The following CACNA2D2 variants were observed in gnomAD, a reference collection of about 807,000 sequenced individuals.
CACNA2D2 encodes the protein calcium voltage-gated channel auxiliary subunit alpha2delta 2, also known as voltage-dependent calcium channel subunit alpha-2/delta-2.
CACNA2D2 carries 48 observed loss-of-function variants against 166.4 expected under a neutral mutation model. The observed-to-expected ratio is 0.29, with a 90% CI of 0.23 to 0.37. The LOEUF is 0.37. CACNA2D2 is among the 10% of genes least tolerant of loss of function. The pLI is 1.00. For synonymous variants in CACNA2D2, 561 were observed against 573.7 expected (o/e 0.98, Z 0.32); for missense variants, 1,122 against 1,433.0 (o/e 0.78, Z 3.50).
chr3:50,473,090 C>T (rs1281078244), intron 2 of CACNA2D2, among the ~76,000 whole-genome samples: 1 of 152,106 alleles, frequency 6.6e-6, no homozygotes, highest in Non-Finnish European at 1.5e-5. Flanking sequence ...GGGGACAATA[C>T]GTAAGCACCA....
chr3:50,380,062 T>A lies in CACNA2D2; in HGVS notation c.843-44A>T. On this transcript the variant is annotated intron_variant, in intron 8 of 37. Coordinates refer to ENST00000424201, the MANE Select transcript of CACNA2D2 (RefSeq NM_006030.4). The surrounding 1 kb of genome is among the most constrained non-coding windows in gnomAD (Gnocchi z 4.9). The stretch of plus-strand genomic sequence containing the variant: ...TGTTAGGGTAAGGCCCACTGGGACC[T>A]TGTGGGTCCTTCCTTCCTTCACATA... 6.3e-7 allele frequency: 1 copy of A among 1,592,154 alleles called. No individual in the cohort carries two copies. The highest frequency in any genetic ancestry group is 8.6e-7 in the Non-Finnish European group (1 of 1,160,236).
intron 3 of CACNA2D2, among the ~76,000 whole-genome samples, chr3:50,413,176 A>C (rs1707105744): frequency 6.7e-6 from 1 of 150,296 alleles, no homozygotes; most frequent in East Asian, 2.0e-4. Context: ...TGGTTGGGGT[A>C]GGGGGGTGGT....
Position 50,364,985 on chromosome 3 carries a change from G to A in CACNA2D2, c.3209-15C>T. On this transcript the variant is annotated splice_polypyrimidine_tract_variant and intron_variant, in intron 36 of 37. Coordinates refer to ENST00000424201, the MANE Select transcript of CACNA2D2 (RefSeq NM_006030.4). ...CGGGCCGTCCGCTGGGCATGGGTGGGGAGTCAAGGAGGCGGACGGCGGCGG... is the reference window on the plus strand; with the variant it reads ...CGGGCCGTCCGCTGGGCATGGGTGGAGAGTCAAGGAGGCGGACGGCGGCGG... 6.2e-7 allele frequency: 1 copy of A among 1,611,904 alleles called. No individual in the cohort carries two copies. The highest frequency in any genetic ancestry group is 8.5e-7 in the Non-Finnish European group (1 of 1,179,430).
intron 5 of CACNA2D2, among the ~76,000 whole-genome samples, chr3:50,387,152 G>A (rs1375946495): frequency 6.6e-6 from 1 of 152,136 alleles, no homozygotes; most frequent in Non-Finnish European, 1.5e-5. Flanking sequence ...AGGCTGTGGG[G>A]TGCTCAGCAC....
chr3:50,482,407 C>T (rs942851803), intron 1 of CACNA2D2, among the ~76,000 whole-genome samples: 54 of 152,340 alleles, frequency 3.5e-4, no homozygotes, highest in Middle Eastern at 3.4e-3. Flanking sequence ...TGCCTAGATC[C>T]AGCCCTGGCT....
Position 50,366,594 on chromosome 3 carries a change from C to A in CACNA2D2, c.2621G>T (p.Cys874Phe). ...CACACACACCTCATTGTTAACCTCG[C>A]AGTCCATCTCACAGTGGCTGTTGGG... ...CGPNSHCEMDCEVNNEDLLCV... is the reference protein window; with the variant it reads ...CGPNSHCEMDFEVNNEDLLCV... Residue 874 changes from cysteine (C) to phenylalanine (F), a missense_variant, in exon 30 of 38, where the codon TGC becomes TTC. This residue lies in a region of CACNA2D2 where 840 missense variants were observed against 1,166.8 expected (regional missense o/e 0.72). Transcript: ENST00000424201. This position sits in a 1 kb window ranked among gnomAD's most constrained non-coding sequence, Gnocchi z 5.9. 6.2e-7 allele frequency: 1 copy of A among 1,614,006 alleles called. No individual in the cohort carries two copies. The highest frequency in any genetic ancestry group is 8.5e-7 in the Non-Finnish European group (1 of 1,180,016).
At chr3:50,438,309 C>A (rs1394674303) in intron 2 of CACNA2D2, among the ~76,000 whole-genome samples, 1 of 152,134 alleles carries the variant, frequency 6.6e-6, no homozygotes, top group Non-Finnish European at 1.5e-5. Flanking sequence ...TGGAGACCTG[C>A]CCCTCCACCT....
At chr3:50,424,537 C>T (rs1327021546) in intron 3 of CACNA2D2, among the ~76,000 whole-genome samples, 1 of 152,202 alleles carries the variant, frequency 6.6e-6, no homozygotes, top group Non-Finnish European at 1.5e-5. Flanking sequence ...TCCCAGGTCC[C>T]CTAGGCCTGG....
At position 50,379,258 on chromosome 3, in the gene CACNA2D2, C is replaced by A. The variant is rs1289801966; in HGVS notation, c.1153-59G>T. ...AGCCCTCCCTGGTCCAGGGGCAGGG[C>A]CTCCCTCCCGCAGTGGGCCTGGACC... On this transcript the variant is annotated intron_variant, in intron 11 of 37. Transcript: ENST00000424201. This position sits in a 1 kb window ranked among gnomAD's most constrained non-coding sequence, Gnocchi z 6.5. 21 of 1,504,924 alleles carry A rather than the reference C, an allele frequency of 1.4e-5. No individual in the cohort carries two copies. The highest frequency in any genetic ancestry group is 1.8e-5 in the Non-Finnish European group (20 of 1,083,072). The allele number at this position is 1,504,924 out of a possible 1,614,324, so 93.2% of individuals were successfully genotyped here. A position where few individuals can be genotyped will look rare whatever the true frequency, so the allele number is the denominator to read the frequency against.
intron 2 of CACNA2D2, among the ~76,000 whole-genome samples, chr3:50,469,224 G>A (rs189933368): frequency 1.3e-5 from 2 of 152,022 alleles, no homozygotes; most frequent in Admixed American, 6.6e-5. Context: ...CGGGGTATAG[G>A]GGCCCTTCCT....
intron 2 of CACNA2D2, among the ~76,000 whole-genome samples, chr3:50,454,685 C>G (rs1403998858): frequency 6.6e-6 from 1 of 152,132 alleles, no homozygotes; most frequent in Non-Finnish European, 1.5e-5. Context: ...CTCTCTTATA[C>G]TCGGTGAGCT....
At position 50,380,827 on chromosome 3, in the gene CACNA2D2, G is replaced by A. The variant is rs1314706919; in HGVS notation, c.785-22C>T. The A allele has an allele frequency of 2.6e-6, 4 of 1,543,518 alleles. No individual in the cohort carries two copies. Among genetic ancestry groups the A allele is most frequent in the Non-Finnish European group, 3.5e-6 (4 of 1,144,714 alleles). On this transcript the variant is annotated intron_variant, in intron 7 of 37. Transcript: ENST00000424201. The surrounding 1 kb of genome is among the most constrained non-coding windows in gnomAD (Gnocchi z 4.9). ...GTGGCTGAGGGAGGAGAGAAGGTGAGGGGGACTGGCAGGAAAGGGCTGGCC... is the reference window on the plus strand; with the variant it reads ...GTGGCTGAGGGAGGAGAGAAGGTGAAGGGGACTGGCAGGAAAGGGCTGGCC...
intron 22 of CACNA2D2, 46 bp from the exon 23 acceptor site, chr3:50,370,426 G>C (rs1704591723): frequency 2.3e-6 from 2 of 862,538 alleles, no homozygotes; most frequent in South Asian, 2.8e-5. Context: ...GGGGAGGCTG[G>C]AGGCCGGGGG....
intron 1 of CACNA2D2, among the ~76,000 whole-genome samples, chr3:50,478,780 T>C (rs375856700): frequency 6.6e-6 from 1 of 152,334 alleles, no homozygotes; most frequent in African/African-American, 2.4e-5. Context: ...TTTCCAACTC[T>C]GCATTTGGTA....
In CACNA2D2 at chr3:50,365,247, CGGCCCCGCCCCCGGCCGCTCGGA is replaced by C. The variant is rs1162578831; in HGVS notation, c.3098+86_3099-64del. On this transcript the variant is annotated intron_variant, in intron 35 of 37. Transcript: ENST00000424201. This position sits in a 1 kb window ranked among gnomAD's most constrained non-coding sequence, Gnocchi z 4.5. ...CCCGCCCTGACCCACCCCCATCCTG[CGGCCCCGCCCCCGGCCGCTCGGA>C]GGCCCCGCCCCTTCCATCCTCCCGA... is the stretch of plus-strand genomic sequence containing the variant. The C allele has an allele frequency of 4.3e-6, 6 of 1,380,280 alleles. No homozygotes were observed. Among genetic ancestry groups the C allele is most frequent in the Admixed American group, 2.0e-5 (1 of 51,186 alleles). The allele number at this position is 1,380,280 out of a possible 1,614,324, so 85.5% of individuals were successfully genotyped here. A position where few individuals can be genotyped will look rare whatever the true frequency, so the allele number is the denominator to read the frequency against.
intron 5 of CACNA2D2, among the ~76,000 whole-genome samples, chr3:50,385,432 C>T (rs1042576807): frequency 5.3e-5 from 8 of 152,198 alleles, no homozygotes; most frequent in South Asian, 4.1e-4. Context: ...GGCTGACCCC[C>T]GCTGCCCACT....
At chr3:50,477,386 C>G (rs747230908) in intron 1 of CACNA2D2, among the ~76,000 whole-genome samples, 4 of 152,172 alleles carry the variant, frequency 2.6e-5, no homozygotes, top group East Asian at 1.9e-4. Flanking sequence ...ACAGGATGGA[C>G]AGTTGGTCAC....
chr3:50,389,302 A>G (rs1705770494), intron 4 of CACNA2D2, among the ~76,000 whole-genome samples: 1 of 152,276 alleles, frequency 6.6e-6, no homozygotes, highest in Admixed American at 6.5e-5. Context: ...TGAACACACA[A>G]ACCTATTAAA....
intron 3 of CACNA2D2, among the ~76,000 whole-genome samples, chr3:50,399,563 G>A (rs1203300685): frequency 6.6e-6 from 1 of 152,090 alleles, no homozygotes; most frequent in Non-Finnish European, 1.5e-5. Flanking sequence ...CACCAGGTGT[G>A]GTCCAGTGCC....
Sources: allele counts gnomAD v4.1 joint callset (sites outside exome capture counted in the v4.1 genomes callset), GRCh38; gene constraint gnomAD v4.1.1; regional missense constraint gnomAD v4.1.1; non-coding constraint Gnocchi (gnomAD v3.1); transcripts MANE v1.5; gene names NCBI Gene and HGNC (gene_info 2026-07-23, HGNC 2026-07-21).